VWC2L: variants seen among roughly 807,000 people sequenced by gnomAD.
VWC2L encodes von Willebrand factor C domain containing 2 like.
In VWC2L, 10 loss-of-function variants were observed where a neutral mutation model predicts 21.6. That is an observed-to-expected ratio of 0.46 (90% confidence interval 0.29 to 0.78). The LOEUF (loss-of-function observed/expected upper bound fraction) is 0.78. VWC2L is among the 30% of genes least tolerant of loss of function. The probability of loss-of-function intolerance (pLI) is 0.10; values close to 1 mark genes in which losing one functional copy is unlikely to be tolerated. For synonymous variants in VWC2L, 96 were observed against 94.3 expected (o/e 1.02, Z -0.10); for missense variants, 209 against 277.1 (o/e 0.75, Z 1.74).
chr2:214,495,556 C>G (rs2126202942), intron 3 of VWC2L, among the ~76,000 whole-genome samples: 1 of 152,298 alleles, frequency 6.6e-6, no homozygotes, highest in East Asian at 1.9e-4. Flanking sequence ...CACTGCCCCA[C>G]TAGTTTGGCA....
At chr2:214,428,587 G>A (rs1702557912) in intron 2 of VWC2L, among the ~76,000 whole-genome samples, 1 of 151,970 alleles carries the variant, frequency 6.6e-6, no homozygotes, top group African/African-American at 2.4e-5. Context: ...ATATTTTTGT[G>A]GAATGAGATA....
At chr2:214,465,427 G>C (rs1703201589) in intron 3 of VWC2L, among the ~76,000 whole-genome samples, 4 of 152,160 alleles carry the variant, frequency 2.6e-5, no homozygotes, top group Admixed American at 2.6e-4. Flanking sequence ...TAGAAATGTT[G>C]ACTGGGACCT....
At chr2:214,558,603 C>T (rs1191147930) in intron 3 of VWC2L, among the ~76,000 whole-genome samples, 1 of 152,178 alleles carries the variant, frequency 6.6e-6, no homozygotes, top group African/African-American at 2.4e-5. Flanking sequence ...ATTCACTTCT[C>T]TCCCTTCTTC....
intron 2 of VWC2L, among the ~76,000 whole-genome samples, chr2:214,419,283 C>A (rs1702399395): frequency 1.3e-5 from 2 of 152,108 alleles, no homozygotes; most frequent in Non-Finnish European, 2.9e-5. Flanking sequence ...CTGGAACCTA[C>A]TTTTTGAGAA....
chr2:214,420,844 T>C (rs1702427676), intron 2 of VWC2L, among the ~76,000 whole-genome samples: 1 of 152,222 alleles, frequency 6.6e-6, no homozygotes, highest in Admixed American at 6.5e-5. Context: ...GTTTCTGTTT[T>C]GCAGAGCATG....
chr2:214,455,444 T>A (rs967279353), intron 3 of VWC2L, among the ~76,000 whole-genome samples: 2 of 152,158 alleles, frequency 1.3e-5, no homozygotes, highest in African/African-American at 4.8e-5. Context: ...TATTTATGGG[T>A]TACATTTAAT....
At position 214,442,153 on chromosome 2, in the gene VWC2L, G is replaced by A. The variant is rs886900377; in HGVS notation, c.520+5395G>A. The stretch of plus-strand genomic sequence containing the variant: ...TCTCGAACTCCTGACATTGTGATCC[G>A]CCTGCCTCGGCCTCCCAAAGCGCTG... On this transcript the variant is annotated intron_variant, in intron 3 of 3. Transcript: ENST00000312504. Among the ~76,000 whole-genome samples the A allele has an allele frequency of 7.9e-5, 12 of 151,892 alleles. No individual in the cohort carries two copies. In the East Asian group the frequency reaches 1.9e-3, roughly 24 times the overall value.
chr2:214,487,916 G>T (rs1008919252), intron 3 of VWC2L, among the ~76,000 whole-genome samples: 1 of 152,304 alleles, frequency 6.6e-6, no homozygotes, highest in Middle Eastern at 3.4e-3. Context: ...AAACAGTCAG[G>T]TCTCACAGAA....
intron 3 of VWC2L, among the ~76,000 whole-genome samples, chr2:214,489,147 T>C (rs1016909279): frequency 6.6e-6 from 1 of 152,130 alleles, no homozygotes; most frequent in Non-Finnish European, 1.5e-5. Context: ...CAATCTCTTA[T>C]CCAGTCAGCC....
chr2:214,417,819 T>C (rs113442583), intron 2 of VWC2L, among the ~76,000 whole-genome samples: 173 of 152,262 alleles, frequency 1.1e-3, no homozygotes, highest in Middle Eastern at 6.8e-3. Flanking sequence ...GAATGTCCTA[T>C]ATCCAAGCAC....
intron 3 of VWC2L, among the ~76,000 whole-genome samples, chr2:214,510,045 A>C (rs1041489612): frequency 6.6e-6 from 1 of 152,206 alleles, no homozygotes; most frequent in Non-Finnish European, 1.5e-5. Context: ...ATTACAAAAT[A>C]CGTAAGATTT....
chr2:214,546,322 T>C (rs1321077404), intron 3 of VWC2L, among the ~76,000 whole-genome samples: 2 of 152,182 alleles, frequency 1.3e-5, no homozygotes, highest in Non-Finnish European at 1.5e-5. Flanking sequence ...CTCATTGTGT[T>C]CATTTTCTTC....
chr2:214,508,658 G>A (rs1689005335), intron 3 of VWC2L, among the ~76,000 whole-genome samples: 1 of 151,756 alleles, frequency 6.6e-6, no homozygotes, highest in Non-Finnish European at 1.5e-5. Flanking sequence ...AAGAATCCTT[G>A]ACTTTTCTTC....
chr2:214,544,665 G>C (rs1033287687), intron 3 of VWC2L, among the ~76,000 whole-genome samples: 2 of 152,092 alleles, frequency 1.3e-5, no homozygotes, highest in African/African-American at 4.8e-5. Flanking sequence ...CCTTGGGAAA[G>C]TCTCTTCCCC....
At chr2:214,546,994 C>G (rs1689718046) in intron 3 of VWC2L, among the ~76,000 whole-genome samples, 1 of 152,056 alleles carries the variant, frequency 6.6e-6, no homozygotes, top group Non-Finnish European at 1.5e-5. Context: ...GTTCAAAGAC[C>G]AGTGTGGAAA....
intron 3 of VWC2L, among the ~76,000 whole-genome samples, chr2:214,537,697 C>G (rs752727460): frequency 2.6e-5 from 4 of 151,956 alleles, no homozygotes; most frequent in Admixed American, 1.3e-4. Flanking sequence ...TAACATTATG[C>G]GTACCACATA....
chr2:214,552,519 A>G (rs983863437), intron 3 of VWC2L, among the ~76,000 whole-genome samples: 3 of 152,216 alleles, frequency 2.0e-5, no homozygotes, highest in African/African-American at 7.2e-5. Flanking sequence ...ACCTTGGTCT[A>G]TTCAACATTC....
intron 3 of VWC2L, among the ~76,000 whole-genome samples, chr2:214,453,611 G>C (rs1465688655): frequency 6.6e-6 from 1 of 152,076 alleles, no homozygotes; most frequent in African/African-American, 2.4e-5. Context: ...CATGAATATG[G>C]TATGTCTCTC....
At chr2:214,436,883 C>T (rs1344386285) in intron 3 of VWC2L, 125 bp downstream of exon 3, 8 of 1,096,798 alleles carry the variant, frequency 7.3e-6, no homozygotes, top group South Asian at 1.7e-5. Flanking sequence ...ATGGGCATGG[C>T]GGATGTATAT....
Sources: gnomAD v4.1 joint callset for allele counts (sites outside exome capture counted in the v4.1 genomes callset) on GRCh38, gnomAD v4.1.1 for gene constraint, MANE v1.5 for transcripts, NCBI Gene and HGNC (gene_info 2026-07-23, HGNC 2026-07-21) for gene names.